The following SORBS2 variants were observed in gnomAD, a reference collection of about 807,000 sequenced individuals.
SORBS2 encodes sorbin and SH3 domain containing 2.
SORBS2 carries 46 observed loss-of-function variants against 97.7 expected under a neutral mutation model. That is an observed-to-expected ratio of 0.47 (90% CI 0.37 to 0.60). The LOEUF (loss-of-function observed/expected upper bound fraction) is 0.60. Among genes scored for constraint, SORBS2 ranks in the 20% least tolerant of loss-of-function variants. The pLI is 0.00. For missense variants in SORBS2, 1,316 were observed against 1,282.3 expected (o/e 1.03, Z -0.40); for synonymous variants, 476 against 473.4 (o/e 1.01, Z -0.07).
intron 4 of SORBS2, among the ~76,000 whole-genome samples, chr4:185,642,285 ATTTTC>A (rs1348763265): frequency 1.3e-5 from 2 of 151,482 alleles, no homozygotes; most frequent in African/African-American, 4.9e-5. Flanking sequence ...TTCAATGACT[ATTTTC>A]TTCTGCTTTT....
At chr4:185,751,566 C>T (rs1026225464) in intron 2 of SORBS2, among the ~76,000 whole-genome samples, 3 of 152,276 alleles carry the variant, frequency 2.0e-5, no homozygotes, top group Admixed American at 2.0e-4. Flanking sequence ...GGAGAGGCAG[C>T]TGCCCAGTAG....
chr4:185,770,875 T>G (rs1375735731), intron 2 of SORBS2: 1 of 152,130 alleles, frequency 6.6e-6, no homozygotes, highest in Non-Finnish European at 1.5e-5. Flanking sequence ...GAAATAAGAT[T>G]TTTAATGATT....
intron 1 of SORBS2, among the ~76,000 whole-genome samples, chr4:185,805,625 C>G (rs1264013647): frequency 6.6e-6 from 1 of 152,154 alleles, no homozygotes; most frequent in Non-Finnish European, 1.5e-5. Context: ...GCCTGGCGCT[C>G]TAGGTCCATC....
At chr4:185,721,508 C>T (rs2098514470) in intron 2 of SORBS2, among the ~76,000 whole-genome samples, 1 of 152,188 alleles carries the variant, frequency 6.6e-6, no homozygotes, top group Non-Finnish European at 1.5e-5. Flanking sequence ...GCCCCTGAAG[C>T]TTCTGCAGGC....
chr4:185,752,653 C>A (rs1356689091), intron 2 of SORBS2, among the ~76,000 whole-genome samples: 1 of 152,238 alleles, frequency 6.6e-6, no homozygotes, highest in Non-Finnish European at 1.5e-5. Flanking sequence ...CTGTCAAAAT[C>A]ATGCCGATGG....
At chr4:185,588,623 C>A (rs1346214972) in intron 14 of SORBS2, among the ~76,000 whole-genome samples, 4 of 150,600 alleles carry the variant, frequency 2.7e-5, no homozygotes, top group African/African-American at 9.7e-5. Context: ...CCTCCTCCTC[C>A]TTGTTTTTGA....
chr4:185,708,212 G>A (rs1438426776), intron 2 of SORBS2, among the ~76,000 whole-genome samples: 1 of 152,176 alleles, frequency 6.6e-6, no homozygotes, highest in Non-Finnish European at 1.5e-5. Context: ...CAGAAAAGCA[G>A]CATCCTCATC....
intron 4 of SORBS2, among the ~76,000 whole-genome samples, chr4:185,669,206 C>T (rs2097669294): frequency 6.6e-6 from 1 of 152,196 alleles, no homozygotes; most frequent in South Asian, 2.1e-4. Context: ...GCATTGCAAA[C>T]TCAAGTGCCC....
At chr4:185,825,885 G>A (rs1386266179) in intron 1 of SORBS2, among the ~76,000 whole-genome samples, 6 of 152,088 alleles carry the variant, frequency 3.9e-5, no homozygotes, top group South Asian at 4.2e-4. Context: ...TCTCGGTTGC[G>A]ATGACCTAGC....
chr4:185,786,591 C>T (rs971226305), intron 1 of SORBS2, among the ~76,000 whole-genome samples: 1 of 152,194 alleles, frequency 6.6e-6, no homozygotes, highest in Non-Finnish European at 1.5e-5. Flanking sequence ...GATCTCAAGG[C>T]GTGGCTTCTC....
intron 1 of SORBS2, among the ~76,000 whole-genome samples, chr4:185,783,828 G>A (rs184559831): frequency 6.6e-5 from 10 of 152,268 alleles, no homozygotes; most frequent in East Asian, 3.9e-4. Flanking sequence ...GAATTCCTTC[G>A]AGGATCATTT....
At chr4:185,765,705 A>G (rs1377731923) in intron 2 of SORBS2, among the ~76,000 whole-genome samples, 1 of 152,220 alleles carries the variant, frequency 6.6e-6, no homozygotes, top group African/African-American at 2.4e-5. Context: ...AAGATGCTCA[A>G]ACACAAAATA....
intron 1 of SORBS2, among the ~76,000 whole-genome samples, chr4:185,655,956 A>G (rs1168314543): frequency 6.6e-6 from 1 of 152,208 alleles, no homozygotes; most frequent in African/African-American, 2.4e-5. Flanking sequence ...TGTCTATACT[A>G]TGCCTCAAGT....
At chr4:185,737,308 T>C (rs2098693665) in intron 2 of SORBS2, among the ~76,000 whole-genome samples, 1 of 152,046 alleles carries the variant, frequency 6.6e-6, no homozygotes, top group African/African-American at 2.4e-5. Context: ...GAAAGCAAAG[T>C]GGCTGGGGAC....
At chr4:185,785,299 A>C (rs2099051028) in intron 1 of SORBS2, among the ~76,000 whole-genome samples, 1 of 151,956 alleles carries the variant, frequency 6.6e-6, no homozygotes, top group African/African-American at 2.4e-5. Context: ...AATGGAGGGG[A>C]AGGTAGGTTT....
intron 1 of SORBS2, among the ~76,000 whole-genome samples, chr4:185,819,931 G>C (rs977956581): frequency 2.6e-5 from 4 of 152,190 alleles, no homozygotes; most frequent in African/African-American, 9.7e-5. Flanking sequence ...TATGCAAATT[G>C]CCTAACCTCT....
exon 10 of SORBS2, chr4:185,615,132 A>G (rs760799039): frequency 1.1e-5 from 18 of 1,612,028 alleles, no homozygotes; most frequent in Non-Finnish European, 1.5e-5. Flanking sequence ...GGATGTAGAC[A>G]GTATCTCCTT....
chr4:185,701,357 C>T (rs1199638887), intron 2 of SORBS2, among the ~76,000 whole-genome samples: 6 of 152,194 alleles, frequency 3.9e-5, no homozygotes, highest in Non-Finnish European at 7.3e-5. Flanking sequence ...TTGTTCGCAT[C>T]GACTCTACCC....
intron 1 of SORBS2, among the ~76,000 whole-genome samples, chr4:185,874,866 T>TTTTTTTTTTTTTTTTTTTTTTTTTTTTC (rs775209042): frequency 1.8e-5 from 2 of 113,442 alleles, no homozygotes; most frequent in Non-Finnish European, 4.0e-5. Context: ...TGATTTTTTT[T>TTTTTTTTTTTTTTTTTTTTTTTTTTTTC]TTTTTTGCAT....
Sources: gnomAD v4.1 joint callset for allele counts (sites outside exome capture counted in the v4.1 genomes callset) on GRCh38, gnomAD v4.1.1 for gene constraint, MANE v1.5 for transcripts, NCBI Gene and HGNC (gene_info 2026-07-23, HGNC 2026-07-21) for gene names.